ANKHD1: variants seen among roughly 807,000 people sequenced by gnomAD.
The protein encoded by ANKHD1 is ankyrin repeat and KH domain containing 1, also known as ankyrin repeat and KH domain-containing protein 1.
Under a neutral mutation model 230.5 loss-of-function variants are expected in ANKHD1, and 31 were observed. That is an observed-to-expected ratio of 0.13 (90% CI 0.10 to 0.18). The LOEUF (loss-of-function observed/expected upper bound fraction) is 0.18. Among genes scored for constraint, ANKHD1 ranks in the 10% least tolerant of loss-of-function variants. The pLI, the probability that ANKHD1 is intolerant of heterozygous loss-of-function variation, is 1.00. For missense variants in ANKHD1, 2,256 were observed against 3,071.3 expected (o/e 0.73, Z 6.27); for synonymous variants, 1,074 against 1,117.6 (o/e 0.96, Z 0.78).
Position 140,436,271 on chromosome 5 carries a change from T to G in ANKHD1, c.460+14T>G. 6.5e-7 allele frequency: 1 copy of G among 1,529,516 alleles called. No homozygotes were observed. Among genetic ancestry groups the G allele is most frequent in the East Asian group, 2.4e-5 (1 of 41,994 alleles). 94.7% of individuals were successfully genotyped at this position (1,529,516 alleles called of 1,614,324 possible). A position where few individuals can be genotyped will look rare whatever the true frequency, so the allele number is the denominator to read the frequency against. On this transcript the variant is annotated intron_variant, in intron 2 of 33. Coordinates refer to ENST00000360839, the MANE Select transcript of ANKHD1 (RefSeq NM_017747.3). Reference sequence around the variant, plus strand: ...TAGAAGCAGCAGGTACTTTATTTTTTGTTTTATCTTTTTCATATCTTTAAA... The same window carrying G: ...TAGAAGCAGCAGGTACTTTATTTTTGGTTTTATCTTTTTCATATCTTTAAA...
At chr5:140,402,421 G>A (rs918477257) in intron 1 of ANKHD1, 148 bp downstream of exon 1, 3 of 1,140,102 alleles carry the variant, frequency 2.6e-6, no homozygotes, top group Non-Finnish European at 3.5e-6. Context: ...CGCGGTGAGG[G>A]CCTAGTGAGC....
chr5:140,520,112 G>A (rs1224648996), intron 24 of ANKHD1, among the ~76,000 whole-genome samples: 4 of 150,752 alleles, frequency 2.7e-5, no homozygotes, highest in Non-Finnish European at 1.5e-5. Flanking sequence ...TCAAAAAGTG[G>A]GCAAAGGACA....
chr5:140,445,147 A>G (rs1167759987), intron 5 of ANKHD1, among the ~76,000 whole-genome samples: 2 of 151,434 alleles, frequency 1.3e-5, no homozygotes, highest in African/African-American at 4.8e-5. Flanking sequence ...GGTGTGAGCC[A>G]TCGCACCTGG....
intron 10 of ANKHD1, among the ~76,000 whole-genome samples, chr5:140,475,683 A>G (rs1055391763): frequency 2.0e-5 from 3 of 152,220 alleles, no homozygotes; most frequent in Admixed American, 1.3e-4. Context: ...CAGAAGTGAA[A>G]TATCTCTATG....
intron 9 of ANKHD1, among the ~76,000 whole-genome samples, chr5:140,464,206 G>A (rs1429386228): frequency 6.7e-6 from 1 of 149,638 alleles, no homozygotes; most frequent in Admixed American, 6.7e-5. Flanking sequence ...ACTCCAGCCT[G>A]AGCGACAGAG....
At position 140,491,833 on chromosome 5, in the gene ANKHD1, TG is replaced by T. The variant is rs143540888; in HGVS notation, c.2246-4686del. On this transcript the variant is annotated intron_variant, in intron 14 of 33. Transcript: ENST00000360839. ...TTTATATGGTCTACTATGCCTTGCT[TG>T]TATTAGATGTTTAAGTACTTATTGA... Among the ~76,000 whole-genome samples, 1,063 of 152,324 alleles carry T rather than the reference TG, an allele frequency of 7.0e-3. 14 individuals carry two copies. The highest frequency in any genetic ancestry group is 0.024 in the African/African-American group (1,011 of 41,560).
rs549102817 is a variant in ANKHD1, at chr5:140,456,650, G to T, written c.1243-1975G>T. ...TTAATACATGGTGCTGGGAAAACTGGCTAGCCATATGTAGAAAACTAAAAC... is the reference window on the plus strand; with the variant it reads ...TTAATACATGGTGCTGGGAAAACTGTCTAGCCATATGTAGAAAACTAAAAC... On this transcript the variant is annotated intron_variant, in intron 7 of 33. Coordinates refer to ENST00000360839, the MANE Select transcript of ANKHD1 (RefSeq NM_017747.3). Among the ~76,000 whole-genome samples the T allele has an allele frequency of 3.3e-5, 5 of 152,282 alleles. No homozygotes were observed. The South Asian group carries it at 6.2e-4, about 19-fold the overall frequency.
At chr5:140,427,444 G>A (rs1214087053) in intron 1 of ANKHD1, among the ~76,000 whole-genome samples, 14 of 128,292 alleles carry the variant, frequency 1.1e-4, no homozygotes, top group Non-Finnish European at 1.7e-4. Context: ...CCTCTCTCCC[G>A]GACGGGGCGG....
At chr5:140,515,254 G>C (rs898311921) in intron 24 of ANKHD1, among the ~76,000 whole-genome samples, 7 of 151,696 alleles carry the variant, frequency 4.6e-5, no homozygotes, top group African/African-American at 7.3e-5. Flanking sequence ...CTCTAGCCTG[G>C]GTGACAGAGC....
chr5:140,495,467 G>A (rs1027999206), intron 14 of ANKHD1, among the ~76,000 whole-genome samples: 17 of 151,878 alleles, frequency 1.1e-4, no homozygotes, highest in Non-Finnish European at 2.4e-4. Context: ...GGATGGTCTC[G>A]ATCTCCTGAC....
chr5:140,415,149 C>T (rs1406589618), intron 1 of ANKHD1, among the ~76,000 whole-genome samples: 4 of 151,754 alleles, frequency 2.6e-5, no homozygotes, highest in Non-Finnish European at 4.4e-5. Flanking sequence ...TTTGGGGGGC[C>T]GAGGCGGGCC....
chr5:140,538,226 CAGCCTATGG>C lies in ANKHD1; in HGVS notation c.7370_7378del (p.Gln2457_Ala2460delinsPro). 6.2e-7 allele frequency: 1 copy of C among 1,613,432 alleles called. No individual in the cohort carries two copies. Reference sequence around the variant, plus strand: ...GGTAGCCCCCTCTAACATTTTTCATCAGCCTATGGCAAGTGGTTTTGTGGATTTTTCTAA... The same window carrying C: ...GGTAGCCCCCTCTAACATTTTTCATCCAAGTGGTTTTGTGGATTTTTCTAA... On this transcript the variant is annotated inframe_deletion, in exon 32 of 34. Transcript: ENST00000360839.
intron 10 of ANKHD1, among the ~76,000 whole-genome samples, chr5:140,479,938 A>G (rs1300129316): frequency 2.7e-5 from 4 of 146,720 alleles, no homozygotes; most frequent in Non-Finnish European, 6.1e-5. Context: ...ATATATGTAT[A>G]TAATGGGGAT....
At chr5:140,406,856 G>C (rs1332639525) in intron 1 of ANKHD1, among the ~76,000 whole-genome samples, 1 of 152,144 alleles carries the variant, frequency 6.6e-6, no homozygotes, top group Non-Finnish European at 1.5e-5. Flanking sequence ...TTAAACATTG[G>C]GGTAAATACC....
intron 14 of ANKHD1, among the ~76,000 whole-genome samples, chr5:140,488,343 G>A (rs1751600568): frequency 1.3e-5 from 2 of 152,126 alleles, no homozygotes; most frequent in South Asian, 2.1e-4. Context: ...CCAGCACTTT[G>A]AAAGGCTGAG....
rs868556201 is a variant in ANKHD1, at chr5:140,427,684, C to T, written c.307-8420C>T. Among the ~76,000 whole-genome samples, 1,070 of 146,878 alleles carry T rather than the reference C, an allele frequency of 7.3e-3. 9 individuals carry two copies. The highest frequency in any genetic ancestry group is 0.026 in the African/African-American group (1,028 of 39,554). ...CCTCCCTCCCGGACGGGGCGGCCGG[C>T]CAGGCAGAGGGGCTCCTCACTTCCC... On this transcript the variant is annotated intron_variant, in intron 1 of 33. Coordinates refer to ENST00000360839, the MANE Select transcript of ANKHD1 (RefSeq NM_017747.3).
intron 9 of ANKHD1, 140 bp downstream of exon 9, chr5:140,459,495 T>A: frequency 9.0e-7 from 1 of 1,110,066 alleles, no homozygotes; most frequent in Non-Finnish European, 1.2e-6. Flanking sequence ...GGGAGGAGAG[T>A]ACACAAGGAG....
At chr5:140,447,982 T>C (rs1014168958) in intron 6 of ANKHD1, among the ~76,000 whole-genome samples, 22 of 152,308 alleles carry the variant, frequency 1.4e-4, no homozygotes, top group Admixed American at 3.9e-4. Context: ...AGTTCTATTA[T>C]TAAAAAGGAA....
intron 10 of ANKHD1, among the ~76,000 whole-genome samples, chr5:140,467,149 A>G (rs1776152973): frequency 6.6e-6 from 1 of 152,068 alleles, no homozygotes; most frequent in South Asian, 2.1e-4. Context: ...ATATTACTAT[A>G]TAGTCTCTAT....
Sources: allele counts gnomAD v4.1 joint callset (sites outside exome capture counted in the v4.1 genomes callset), GRCh38; gene constraint gnomAD v4.1.1; transcripts MANE v1.5; gene names NCBI Gene and HGNC (gene_info 2026-07-23, HGNC 2026-07-21).